SMAD5: variants seen among roughly 807,000 people sequenced by gnomAD.
The protein encoded by SMAD5 is SMAD family member 5.
In SMAD5, 9 loss-of-function variants were observed where a neutral mutation model predicts 43.1. The ratio of observed to expected loss-of-function variants is 0.21; its 90% CI spans 0.13 to 0.36. The LOEUF (loss-of-function observed/expected upper bound fraction) is 0.36. Ranked by LOEUF, SMAD5 falls within the 10% of genes least tolerant of loss-of-function variation. The probability of loss-of-function intolerance (pLI) is 1.00; values close to 1 mark genes in which losing one functional copy is unlikely to be tolerated. For missense variants in SMAD5, 348 were observed against 574.0 expected (o/e 0.61, Z 4.02); for synonymous variants, 190 against 192.4 (o/e 0.99, Z 0.10).
chr5:136,170,155 A>G (rs1211054827), intron 5 of SMAD5, among the ~76,000 whole-genome samples: 1 of 152,172 alleles, frequency 6.6e-6, no homozygotes, highest in Non-Finnish European at 1.5e-5. Context: ...AAAAAAAGGC[A>G]TCATCATACC....
chr5:136,140,019 A>G (rs1321781504), intron 1 of SMAD5, among the ~76,000 whole-genome samples: 1 of 148,906 alleles, frequency 6.7e-6, no homozygotes, highest in Non-Finnish European at 1.5e-5. Flanking sequence ...GGCCCAGGAT[A>G]ACTCTTTTTT....
At chr5:136,150,049 T>C (rs1407427903) in intron 2 of SMAD5, among the ~76,000 whole-genome samples, 2 of 151,932 alleles carry the variant, frequency 1.3e-5, no homozygotes, top group Non-Finnish European at 2.9e-5. Context: ...GTTCTGTCTT[T>C]TTAATAGTGC....
chr5:136,163,759 T>C (rs961771881), intron 5 of SMAD5, among the ~76,000 whole-genome samples: 3 of 152,252 alleles, frequency 2.0e-5, no homozygotes, highest in Non-Finnish European at 4.4e-5. Flanking sequence ...TTTTCAAGGT[T>C]CATCCGTGTT....
intron 2 of SMAD5, among the ~76,000 whole-genome samples, chr5:136,148,303 A>G (rs151238520): frequency 1.9e-3 from 291 of 151,538 alleles, no homozygotes; most frequent in African/African-American, 6.7e-3. Flanking sequence ...CATTTTTTCA[A>G]GGACCTCTGT....
At chr5:136,167,663 AC>A (rs1307968148) in intron 5 of SMAD5, among the ~76,000 whole-genome samples, 2 of 151,292 alleles carry the variant, frequency 1.3e-5, no homozygotes, top group African/African-American at 4.9e-5. Context: ...TTGTAATCCC[AC>A]CTGCTCGGGA....
chr5:136,175,402 A>G (rs952848174), intron 7 of SMAD5, among the ~76,000 whole-genome samples: 2 of 152,162 alleles, frequency 1.3e-5, no homozygotes, highest in South Asian at 4.1e-4. Context: ...TACTAAAATT[A>G]TTTCATTCCT....
At chr5:136,142,844 A>G (rs1753128702) in intron 1 of SMAD5, among the ~76,000 whole-genome samples, 1 of 152,188 alleles carries the variant, frequency 6.6e-6, no homozygotes. Flanking sequence ...GCTAAATGGC[A>G]TATGAAACTC....
chr5:136,181,876 A>G lies in SMAD5; in HGVS notation c.*4396A>G, dbSNP rs1046894924. On this transcript the variant is annotated 3_prime_UTR_variant, in exon 8 of 8. Coordinates refer to ENST00000545279, the MANE Select transcript of SMAD5 (RefSeq NM_005903.7). ...AAAGGGATTTCACACATCAATTTTT[A>G]TTTCTGTTTTGAAGAGCACATGCTA... is the stretch of plus-strand genomic sequence containing the variant. 2 of 152,192 alleles carry G rather than the reference A, an allele frequency of 1.3e-5. No homozygotes were observed. The highest frequency in any genetic ancestry group is 6.5e-5 in the Admixed American group (1 of 15,276). 9.4% of individuals were successfully genotyped at this position (152,192 alleles called of 1,614,324 possible). A position where few individuals can be genotyped will look rare whatever the true frequency, so the allele number is the denominator to read the frequency against.
At chr5:136,135,665 ACT>A (rs991818812) in intron 1 of SMAD5, among the ~76,000 whole-genome samples, 2 of 151,928 alleles carry the variant, frequency 1.3e-5, no homozygotes, top group African/African-American at 2.4e-5. Context: ...AGTTAAAGAA[ACT>A]CTTTTTGTTT....
Position 136,163,362 on chromosome 5 carries a change from C to G in SMAD5, c.746C>G (p.Pro249Arg). The change falls in exon 5 of 8, where the codon CCT (proline) becomes CGT (arginine). Residue 249 changes from proline (P) to arginine (R), a missense_variant. Around this residue, in one of 5 missense-constraint regions of SMAD5, gnomAD observed 185 missense variants for 207.0 expected, o/e 0.89. Coordinates refer to ENST00000545279, the MANE Select transcript of SMAD5 (RefSeq NM_005903.7). ...ATGGATACAAGCAATAATATGATTCCTCAGATTATGCCCAGTATATCCAGC... is the reference window on the plus strand; with the variant it reads ...ATGGATACAAGCAATAATATGATTCGTCAGATTATGCCCAGTATATCCAGC... Reference protein sequence around the residue: ...QPMDTSNNMIPQIMPSISSRD... With the variant: ...QPMDTSNNMIRQIMPSISSRD... The G allele has an allele frequency of 6.2e-7, 1 of 1,608,140 alleles. No homozygotes were observed. The highest frequency in any genetic ancestry group is 2.2e-5 in the East Asian group (1 of 44,772).
rs1356630763 is a variant in SMAD5, at chr5:136,178,523, A to T, written c.*1043A>T. On this transcript the variant is annotated 3_prime_UTR_variant, in exon 8 of 8. Transcript: ENST00000545279. ...TTTCAACCTAGGTTATAAGACTGTT[A>T]TTCTATAGCTCCAACTTAAGGTGCC... 6.6e-6 allele frequency: 1 copy of T among 152,170 alleles called. No individual in the cohort carries two copies. Among genetic ancestry groups the T allele is most frequent in the Non-Finnish European group, 1.5e-5 (1 of 68,014 alleles). 9.4% of individuals were successfully genotyped at this position (152,170 alleles called of 1,614,324 possible).
chr5:136,168,360 T>G (rs1754090639), intron 5 of SMAD5, among the ~76,000 whole-genome samples: 1 of 152,000 alleles, frequency 6.6e-6, no homozygotes, highest in South Asian at 2.1e-4. Context: ...TTTAAACATA[T>G]ACCTCTATTT....
chr5:136,160,282 C>G (rs1753781745), intron 3 of SMAD5, among the ~76,000 whole-genome samples: 2 of 152,114 alleles, frequency 1.3e-5, no homozygotes, highest in South Asian at 2.1e-4. Context: ...TAAGAAAGAT[C>G]AAAGTGTTCA....
chr5:136,153,092 C>T (rs1301802318), intron 2 of SMAD5, among the ~76,000 whole-genome samples: 1 of 152,038 alleles, frequency 6.6e-6, no homozygotes, highest in African/African-American at 2.4e-5. Context: ...AATAATGTGA[C>T]TTCAGTAGTA....
At chr5:136,159,827 G>A (rs1753767520) in intron 3 of SMAD5, among the ~76,000 whole-genome samples, 2 of 152,220 alleles carry the variant, frequency 1.3e-5, no homozygotes, top group Non-Finnish European at 1.5e-5. Flanking sequence ...CAGAAACACT[G>A]GATTGTTGTG....
intron 1 of SMAD5, among the ~76,000 whole-genome samples, chr5:136,135,543 C>T (rs1449368215): frequency 6.6e-6 from 1 of 152,122 alleles, no homozygotes; most frequent in Non-Finnish European, 1.5e-5. Flanking sequence ...AGTAAAATAC[C>T]AGTTTTTCAT....
chr5:136,176,502 A>G (rs1382158693), intron 7 of SMAD5, among the ~76,000 whole-genome samples: 2 of 149,740 alleles, frequency 1.3e-5, no homozygotes, highest in Admixed American at 1.3e-4. Flanking sequence ...GACATGTGAC[A>G]TGATCTTACA....
intron 7 of SMAD5, among the ~76,000 whole-genome samples, chr5:136,175,599 CA>C (rs1191900972): frequency 6.6e-6 from 1 of 152,168 alleles, no homozygotes; most frequent in East Asian, 1.9e-4. Context: ...TGTATTTAAG[CA>C]ATCTGTACTG....
At chr5:136,136,998 G>A (rs1460834588) in intron 1 of SMAD5, among the ~76,000 whole-genome samples, 3 of 151,308 alleles carry the variant, frequency 2.0e-5, no homozygotes, top group Non-Finnish European at 4.4e-5. Flanking sequence ...TGCCTGGCTG[G>A]GCTCTTTATT....
Sources: gnomAD v4.1 joint callset for allele counts (sites outside exome capture counted in the v4.1 genomes callset) on GRCh38, gnomAD v4.1.1 for gene constraint, gnomAD v4.1.1 regional missense constraint, MANE v1.5 for transcripts, NCBI Gene and HGNC (gene_info 2026-07-23, HGNC 2026-07-21) for gene names.